Variants in FOXP2 observed in about 807,000 individuals in gnomAD.
FOXP2 encodes forkhead box protein P2.
In FOXP2, 12 loss-of-function variants were observed where a neutral mutation model predicts 115.8. The observed-to-expected ratio is 0.10, with a 90% CI of 0.07 to 0.17. The LOEUF (loss-of-function observed/expected upper bound fraction) is 0.17, where lower values mean the gene tolerates loss of function less well. Among genes scored for constraint, FOXP2 ranks in the 10% least tolerant of loss-of-function variants. The probability of loss-of-function intolerance (pLI) is 1.00; values close to 1 mark genes in which losing one functional copy is unlikely to be tolerated. For missense variants in FOXP2, 629 were observed against 843.5 expected (o/e 0.75, Z 3.15); for synonymous variants, 328 against 297.7 (o/e 1.10, Z -1.05).
At chr7:114,528,789 G>C (rs2129273939) in intron 2 of FOXP2, among the ~76,000 whole-genome samples, 1 of 151,310 alleles carries the variant, frequency 6.6e-6, no homozygotes, top group Non-Finnish European at 1.5e-5. Context: ...AAAAAACCCT[G>C]CTAAGGTATG....
At chr7:114,530,977 A>G (rs149687255) in intron 2 of FOXP2, among the ~76,000 whole-genome samples, 2 of 151,814 alleles carry the variant, frequency 1.3e-5, no homozygotes, top group African/African-American at 4.8e-5. Flanking sequence ...ATTTAACCTG[A>G]TTTCAAATTT....
chr7:114,210,465 A>T (rs957297941), intron 1 of FOXP2, among the ~76,000 whole-genome samples: 1 of 151,986 alleles, frequency 6.6e-6, no homozygotes, highest in Non-Finnish European at 1.5e-5. Flanking sequence ...CTTTACCTGG[A>T]GGTATTACCA....
intron 1 of FOXP2, among the ~76,000 whole-genome samples, chr7:114,215,574 A>G (rs1365561579): frequency 6.6e-6 from 1 of 152,138 alleles, no homozygotes; most frequent in Non-Finnish European, 1.5e-5. Flanking sequence ...ATGATAAAGA[A>G]AATGCAGGTG....
intron 1 of FOXP2, among the ~76,000 whole-genome samples, chr7:114,245,044 G>A (rs1055411627): frequency 6.6e-6 from 1 of 152,170 alleles, no homozygotes; most frequent in East Asian, 1.9e-4. Context: ...CCACAAGCGC[G>A]AGCCACCGCG....
chr7:114,229,287 T>C lies in FOXP2; in HGVS notation c.-101-58732T>C, dbSNP rs1160823399. 2.0e-5 allele frequency among the ~76,000 whole-genome samples: 3 copies of C among 151,230 alleles called. 1 individual carries two copies. The East Asian group carries it at 5.8e-4, about 29-fold the overall frequency. ...TATATGATGCAAACATTGCCAGAACTGAAAAGAGAAATAGACAGTAATACA... is the reference window on the plus strand; with the variant it reads ...TATATGATGCAAACATTGCCAGAACCGAAAAGAGAAATAGACAGTAATACA... On this transcript the variant is annotated intron_variant, in intron 1 of 17. Coordinates refer to the FOXP2 transcript ENST00000634411.
intron 2 of FOXP2, among the ~76,000 whole-genome samples, chr7:114,499,989 G>A (rs538340111): frequency 2.2e-4 from 33 of 152,216 alleles, no homozygotes; most frequent in African/African-American, 7.7e-4. Flanking sequence ...GCCGAGGTGG[G>A]TGGATCACGA....
chr7:114,580,348 C>T (rs1207914344), intron 3 of FOXP2, among the ~76,000 whole-genome samples: 4 of 152,090 alleles, frequency 2.6e-5, no homozygotes, highest in Admixed American at 1.3e-4. Context: ...GAGGCTGAGG[C>T]GGGTGGATCA....
chr7:114,151,869 G>A (rs1392020080), intron 1 of FOXP2, among the ~76,000 whole-genome samples: 1 of 151,972 alleles, frequency 6.6e-6, no homozygotes, highest in Admixed American at 6.6e-5. Context: ...TTCAGTGAGA[G>A]GTTATGTTCA....
At chr7:114,524,434 T>G (rs1411535121) in intron 2 of FOXP2, among the ~76,000 whole-genome samples, 1 of 152,122 alleles carries the variant, frequency 6.6e-6, no homozygotes, top group African/African-American at 2.4e-5. Flanking sequence ...TTTATTTGAG[T>G]CTTTTACTGC....
chr7:114,335,789 A>G (rs1337157249), intron 2 of FOXP2, among the ~76,000 whole-genome samples: 1 of 151,768 alleles, frequency 6.6e-6, no homozygotes, highest in African/African-American at 2.4e-5. Context: ...TATGGTAAAC[A>G]GTCTTTCCTA....
At chr7:114,193,957 G>A (rs1426773971) in intron 1 of FOXP2, among the ~76,000 whole-genome samples, 2 of 152,072 alleles carry the variant, frequency 1.3e-5, no homozygotes, top group Non-Finnish European at 1.5e-5. Flanking sequence ...GATAGAAAAG[G>A]TAAATTACTT....
chr7:114,626,962 T>C (rs961587798), intron 3 of FOXP2, among the ~76,000 whole-genome samples: 4 of 151,910 alleles, frequency 2.6e-5, no homozygotes, highest in African/African-American at 9.7e-5. Flanking sequence ...GAAATATTTT[T>C]TAAAATCACT....
chr7:114,527,467 G>A (rs1798934752), intron 2 of FOXP2, among the ~76,000 whole-genome samples: 2 of 151,710 alleles, frequency 1.3e-5, no homozygotes, highest in Non-Finnish European at 2.9e-5. Flanking sequence ...GTATTCTGCA[G>A]TTTGGGGTCT....
intron 1 of FOXP2, among the ~76,000 whole-genome samples, chr7:114,266,636 T>A (rs1347287214): frequency 1.3e-5 from 2 of 152,100 alleles, no homozygotes; most frequent in African/African-American, 4.8e-5. Context: ...CACCTCCCAA[T>A]AGGCCCCACC....
At chr7:114,306,855 C>T (rs142206904) in intron 2 of FOXP2, among the ~76,000 whole-genome samples, 2 of 152,212 alleles carry the variant, frequency 1.3e-5, no homozygotes, top group South Asian at 4.1e-4. Context: ...TCAAAGCCAG[C>T]AATGACTGGT....
At chr7:114,386,785 C>T (rs1792465958) in intron 2 of FOXP2, among the ~76,000 whole-genome samples, 1 of 152,146 alleles carries the variant, frequency 6.6e-6, no homozygotes, top group South Asian at 2.1e-4. Context: ...GAGTAGGCAT[C>T]TGCATATCTT....
chr7:114,472,347 T>TC (rs1212466195), intron 2 of FOXP2, among the ~76,000 whole-genome samples: 39 of 146,578 alleles, frequency 2.7e-4, no homozygotes, highest in African/African-American at 9.2e-4. Flanking sequence ...TATAAATTCT[T>TC]TTTTTTTTTT....
At chr7:114,464,243 G>C (rs564750284) in intron 2 of FOXP2, among the ~76,000 whole-genome samples, 1 of 152,244 alleles carries the variant, frequency 6.6e-6, no homozygotes, top group African/African-American at 2.4e-5. Flanking sequence ...AGGAGAGAGG[G>C]AGGAGAGAGA....
chr7:114,349,329 G>A (rs373508050), intron 2 of FOXP2, among the ~76,000 whole-genome samples: 3 of 151,970 alleles, frequency 2.0e-5, no homozygotes, highest in East Asian at 3.9e-4. Flanking sequence ...AACCATTACC[G>A]ATACTATGAG....
Sources: allele counts gnomAD v4.1 joint callset (sites outside exome capture counted in the v4.1 genomes callset), GRCh38; gene constraint gnomAD v4.1.1; transcripts MANE v1.5; gene names NCBI Gene and HGNC (gene_info 2026-07-23, HGNC 2026-07-21).